The following PMS1 variants were observed in gnomAD, a reference collection of about 807,000 sequenced individuals.
PMS1 encodes the protein PMS1 homolog 1, mismatch repair system component.
A neutral mutation model predicts 93.1 loss-of-function variants in PMS1; 79 were observed. That is an observed-to-expected ratio of 0.85 (90% CI 0.71 to 1.02). The LOEUF (loss-of-function observed/expected upper bound fraction) is 1.02, where lower values mean the gene tolerates loss of function less well. Ranked by LOEUF, PMS1 falls within the 50% of genes least tolerant of loss-of-function variation. The pLI is 0.00. For synonymous variants in PMS1, 335 were observed against 363.4 expected, an observed-to-expected ratio of 0.92 and a Z score of 0.89; for missense variants, 1,064 against 1,085.3, an observed-to-expected ratio of 0.98 and a Z score of 0.28.
intron 11 of PMS1, among the ~76,000 whole-genome samples, chr2:189,870,004 T>C (rs78571558): frequency 0.012 from 1,889 of 152,228 alleles, 37 homozygotes; most frequent in African/African-American, 0.04. Context: ...TGCCTAATAC[T>C]TTCCATAGCA....
At chr2:189,815,678 C>A (rs1373303428) in intron 4 of PMS1, among the ~76,000 whole-genome samples, 2 of 152,106 alleles carry the variant, frequency 1.3e-5, no homozygotes, top group Non-Finnish European at 2.9e-5. Context: ...AGGGTAATAT[C>A]TTTATAGCAG....
rs56391211 is a variant in PMS1 at position 189,867,708 on chromosome 2, A to G, written c.2343-91A>G. The G allele has an allele frequency of 9.4e-5, 81 of 862,416 alleles. No homozygotes were observed. The East Asian group carries it at 1.9e-3, about 21-fold the overall frequency. The allele number at this position is 862,416 out of a possible 1,614,324, so 53.4% of individuals were successfully genotyped here. ...TTGTATTTTGGTTAATGATGATAAC[A>G]CTTGTCAAAGGGCCCTAGGATTAAC... On this transcript the variant is annotated intron_variant, in intron 10 of 12. Coordinates refer to ENST00000441310, the MANE Select transcript of PMS1 (RefSeq NM_000534.5).
At chr2:189,834,850 C>T (rs536707123) in intron 5 of PMS1, among the ~76,000 whole-genome samples, 1 of 152,166 alleles carries the variant, frequency 6.6e-6, no homozygotes, top group South Asian at 2.1e-4. Context: ...CTACCTCAGC[C>T]TTCTGAGTAG....
intron 5 of PMS1, among the ~76,000 whole-genome samples, chr2:189,841,329 A>G (rs555642167): frequency 4.6e-5 from 7 of 152,366 alleles, no homozygotes; most frequent in Admixed American, 6.5e-5. Context: ...ATTGGTATCA[A>G]TACAACTCTA....
At chr2:189,799,376 A>T (rs1449630666) in intron 3 of PMS1, among the ~76,000 whole-genome samples, 1 of 152,134 alleles carries the variant, frequency 6.6e-6, no homozygotes, top group Non-Finnish European at 1.5e-5. Context: ...ATGAATTTTT[A>T]CATATGTATA....
chr2:189,815,711 C>CAGTTACTGATAACAGTTTGTAACATT (rs1559247331), intron 4 of PMS1, among the ~76,000 whole-genome samples: 1 of 152,144 alleles, frequency 6.6e-6, no homozygotes, highest in Non-Finnish European at 1.5e-5. Context: ...CGGACTAATA[C>CAGTTACTGATAACAGTTTGTAACATT]AGTTACTGAT....
chr2:189,856,381 A>G (rs913868160), intron 9 of PMS1, among the ~76,000 whole-genome samples: 42 of 152,112 alleles, frequency 2.8e-4, no homozygotes, highest in Non-Finnish European at 5.6e-4. Context: ...TGTATCTCTA[A>G]GAGATAAAGA....
chr2:189,801,748 T>TC (rs1427499178), intron 3 of PMS1, among the ~76,000 whole-genome samples: 1 of 152,178 alleles, frequency 6.6e-6, no homozygotes, highest in South Asian at 2.1e-4. Flanking sequence ...TTTTTTTTTT[T>TC]CATTTATCAA....
At chr2:189,846,097 T>C (rs1404740681) in intron 6 of PMS1, among the ~76,000 whole-genome samples, 1 of 152,132 alleles carries the variant, frequency 6.6e-6, no homozygotes, top group African/African-American at 2.4e-5. Context: ...TAATTTTTCA[T>C]GTCTGTGGCT....
intron 5 of PMS1, among the ~76,000 whole-genome samples, chr2:189,822,027 C>T (rs938547540): frequency 1.3e-5 from 2 of 152,132 alleles, no homozygotes; most frequent in African/African-American, 4.8e-5. Context: ...CCCCGCCACT[C>T]GCTCTCCGGG....
chr2:189,799,460 C>T (rs148166425), intron 3 of PMS1, among the ~76,000 whole-genome samples: 48 of 152,310 alleles, frequency 3.2e-4, no homozygotes, highest in African/African-American at 1.1e-3. Context: ...CAGTACTTCT[C>T]AAAGGTAACT....
intron 2 of PMS1, among the ~76,000 whole-genome samples, chr2:189,792,193 G>A (rs1321381440): frequency 1.3e-5 from 2 of 152,060 alleles, no homozygotes; most frequent in African/African-American, 4.8e-5. Context: ...TCTAATGTTT[G>A]TATTTTCTAC....
At chr2:189,853,775 C>T (rs1006888338) in intron 7 of PMS1, among the ~76,000 whole-genome samples, 164 bp from the exon 8 acceptor site, 1 of 152,166 alleles carries the variant, frequency 6.6e-6, no homozygotes, top group Non-Finnish European at 1.5e-5. Context: ...CCTTGGCCTC[C>T]CAAAGTGCTG....
chr2:189,785,612 A>G (rs1037640695), intron 1 of PMS1: 1 of 152,264 alleles, frequency 6.6e-6, no homozygotes, highest in African/African-American at 2.4e-5. Flanking sequence ...ACAGAAACAC[A>G]TATTAATAGA....
At chr2:189,843,831 CA>C in intron 5 of PMS1, 132 bp from the exon 6 acceptor site, 2 of 758,532 alleles carry the variant, frequency 2.6e-6, no homozygotes, top group Non-Finnish European at 4.5e-6. Context: ...CCTCATAGCT[CA>C]TGAATCTCTT....
intron 5 of PMS1, 65 bp from the exon 6 acceptor site, chr2:189,843,899 C>T (rs373949233): frequency 4.3e-6 from 6 of 1,395,046 alleles, no homozygotes; most frequent in Non-Finnish European, 6.1e-6. Context: ...GAATAAAATA[C>T]TGACTTCTTG....
At chr2:189,820,006 G>A (rs73054342) in intron 5 of PMS1, among the ~76,000 whole-genome samples, 7,147 of 152,256 alleles carry the variant, frequency 0.047, 266 homozygotes, top group African/African-American at 0.099. Flanking sequence ...AATTTCACAT[G>A]GGTATCCTGC....
intron 3 of PMS1, 66 bp downstream of exon 3, chr2:189,796,017 C>T: frequency 9.2e-7 from 1 of 1,088,600 alleles, no homozygotes; most frequent in Non-Finnish European, 1.4e-6. Flanking sequence ...TAAAACTAAC[C>T]CAGTATTTGG....
intron 10 of PMS1, among the ~76,000 whole-genome samples, chr2:189,865,835 G>T (rs1575361676): frequency 6.6e-6 from 1 of 152,110 alleles, no homozygotes; most frequent in Non-Finnish European, 1.5e-5. Flanking sequence ...AAGATAATTT[G>T]TTCCCTAGGA....
Sources: gnomAD v4.1 joint callset for allele counts (sites outside exome capture counted in the v4.1 genomes callset) on GRCh38, gnomAD v4.1.1 for gene constraint, MANE v1.5 for transcripts, NCBI Gene and HGNC (gene_info 2026-07-23, HGNC 2026-07-21) for gene names.